EYS: variants seen among roughly 807,000 people sequenced by gnomAD.
The protein encoded by EYS is protein eyes shut homolog.
EYS carries 250 observed loss-of-function variants against 282.1 expected under a neutral mutation model. The ratio of observed to expected loss-of-function variants is 0.89; its 90% CI spans 0.80 to 0.98. EYS has a LOEUF of 0.98. Ranked by LOEUF, EYS falls within the 50% of genes least tolerant of loss-of-function variation. The pLI is 0.00. For synonymous variants in EYS, 1,355 were observed against 1,282.9 expected, an observed-to-expected ratio of 1.06 and a Z score of -1.20; for missense variants, 4,016 against 3,709.0, an observed-to-expected ratio of 1.08 and a Z score of -2.15.
Position 63,738,585 on chromosome 6 carries a change from T to C in EYS, c.8072-11905A>G, listed in dbSNP as rs1048189570. Reference sequence around the variant, plus strand: ...GGGAACATCACACTCTGGGGACTGTTGTGGGGTGGGGGGAGGGGGGAGGGA... The same window carrying C: ...GGGAACATCACACTCTGGGGACTGTCGTGGGGTGGGGGGAGGGGGGAGGGA... On this transcript the variant is annotated intron_variant, in intron 41 of 42. Coordinates refer to ENST00000503581, the MANE Select transcript of EYS (RefSeq NM_001142800.2). Among the ~76,000 whole-genome samples, 12 of 90,142 alleles carry C rather than the reference T, an allele frequency of 1.3e-4. No homozygotes were observed. The Admixed American group carries it at 2.0e-3, about 15-fold the overall frequency. The allele number at this position is 90,142 out of a possible 152,430, so 59.1% of individuals were successfully genotyped here. A position where few individuals can be genotyped will look rare whatever the true frequency, so the allele number is the denominator to read the frequency against.
intron 11 of EYS, among the ~76,000 whole-genome samples, chr6:65,310,215 G>A (rs905884421): frequency 6.6e-5 from 10 of 152,038 alleles, no homozygotes; most frequent in African/African-American, 2.4e-4. Flanking sequence ...AAGGTGGCAT[G>A]TGCCTGTAAT....
intron 34 of EYS, among the ~76,000 whole-genome samples, chr6:63,986,195 A>C (rs1214457562): frequency 6.6e-6 from 1 of 151,926 alleles, no homozygotes; most frequent in Non-Finnish European, 1.5e-5. Context: ...TGATCATTAG[A>C]GAAATGCAAA....
chr6:64,730,442 G>A (rs1458298841), intron 22 of EYS, among the ~76,000 whole-genome samples: 1 of 152,124 alleles, frequency 6.6e-6, no homozygotes, highest in African/African-American at 2.4e-5. Flanking sequence ...TTGCATGACT[G>A]AATATCTTGG....
intron 22 of EYS, among the ~76,000 whole-genome samples, chr6:64,739,093 CT>C (rs1411153168): frequency 6.6e-6 from 1 of 152,106 alleles, no homozygotes; most frequent in African/African-American, 2.4e-5. Flanking sequence ...CAAGAGTGTC[CT>C]TTTTTTCACT....
At chr6:64,458,922 T>C (rs549003107) in intron 26 of EYS, among the ~76,000 whole-genome samples, 1 of 152,318 alleles carries the variant, frequency 6.6e-6, no homozygotes, top group African/African-American at 2.4e-5. Flanking sequence ...AACAGACTGT[T>C]CATTATGTTA....
At chr6:65,057,547 A>T in intron 13 of EYS, 67 bp downstream of exon 13, 1 of 952,308 alleles carries the variant, frequency 1.1e-6, no homozygotes, top group Non-Finnish European at 1.7e-6. Flanking sequence ...ATGAGTTCAG[A>T]CAAGAGACAG....
intron 19 of EYS, among the ~76,000 whole-genome samples, chr6:64,835,167 G>A (rs1181016989): frequency 6.6e-6 from 1 of 151,620 alleles, no homozygotes; most frequent in Admixed American, 6.6e-5. Context: ...TCAATGTCCT[G>A]AAATTATGTC....
At chr6:63,850,530 T>A (rs1031472733) in intron 36 of EYS, among the ~76,000 whole-genome samples, 31 of 152,148 alleles carry the variant, frequency 2.0e-4, no homozygotes, top group Non-Finnish European at 3.2e-4. Context: ...ATATTCAACA[T>A]TCTTAAATGA....
intron 37 of EYS, among the ~76,000 whole-genome samples, chr6:63,794,998 G>T (rs1352045233): frequency 6.6e-6 from 1 of 152,168 alleles, no homozygotes; most frequent in Admixed American, 6.5e-5. Flanking sequence ...GAAACAATAG[G>T]AAGTGACTCT....
chr6:65,103,360 C>A (rs562458924), intron 12 of EYS, among the ~76,000 whole-genome samples: 1 of 151,526 alleles, frequency 6.6e-6, no homozygotes, highest in South Asian at 2.1e-4. Context: ...TAATGTATAG[C>A]CAGGGCTAAG....
At chr6:64,915,347 T>C (rs1056964200) in intron 15 of EYS, among the ~76,000 whole-genome samples, 1 of 152,132 alleles carries the variant, frequency 6.6e-6, no homozygotes, top group African/African-American at 2.4e-5. Context: ...CTAAGAATGA[T>C]CTGAATCTCC....
At chr6:65,615,995 G>T in intron 2 of EYS, among the ~76,000 whole-genome samples, 1 of 151,584 alleles carries the variant, frequency 6.6e-6, no homozygotes. Flanking sequence ...AAATTAATTT[G>T]ATGTGAACTT....
intron 15 of EYS, among the ~76,000 whole-genome samples, chr6:64,939,584 T>C (rs1425226941): frequency 6.6e-6 from 1 of 151,944 alleles, no homozygotes; most frequent in Non-Finnish European, 1.5e-5. Flanking sequence ...GACAATAAAT[T>C]AATATTTGAG....
intron 11 of EYS, among the ~76,000 whole-genome samples, chr6:65,324,709 G>GAAA (rs1769571621): frequency 6.6e-6 from 1 of 152,162 alleles, no homozygotes. Flanking sequence ...CCTGGACTTT[G>GAAA]GATCAGAGGA....
At chr6:65,374,997 A>T (rs1765306462) in intron 8 of EYS, among the ~76,000 whole-genome samples, 1 of 152,144 alleles carries the variant, frequency 6.6e-6, no homozygotes, top group African/African-American at 2.4e-5. Context: ...CTCTGAAAAG[A>T]GCAGTGGATC....
chr6:65,332,398 T>A, intron 11 of EYS: 1 of 1,261,136 alleles, frequency 7.9e-7, no homozygotes, highest in South Asian at 1.3e-5. Context: ...TGGTGTGGTA[T>A]CACCGTGTTG....
intron 33 of EYS, among the ~76,000 whole-genome samples, chr6:64,024,605 A>T (rs769738425): frequency 3.5e-4 from 53 of 150,938 alleles, no homozygotes; most frequent in Non-Finnish European, 7.4e-5. Context: ...GCTGCTCCTC[A>T]CTCTTTGGGT....
intron 12 of EYS, among the ~76,000 whole-genome samples, chr6:65,289,246 G>T (rs1768454636): frequency 6.6e-6 from 1 of 150,750 alleles, no homozygotes; most frequent in Non-Finnish European, 1.5e-5. Flanking sequence ...AATTTAAAAG[G>T]TAAAATTTTA....
At chr6:64,539,332 C>G (rs1009715891) in intron 26 of EYS, among the ~76,000 whole-genome samples, 2 of 152,006 alleles carry the variant, frequency 1.3e-5, no homozygotes, top group African/African-American at 4.8e-5. Flanking sequence ...TTGGGAGGCC[C>G]AGGTAGGAGG....
Sources: gnomAD v4.1 joint callset for allele counts (sites outside exome capture counted in the v4.1 genomes callset) on GRCh38, gnomAD v4.1.1 for gene constraint, MANE v1.5 for transcripts, NCBI Gene and HGNC (gene_info 2026-07-23, HGNC 2026-07-21) for gene names.